The following RBMS2 variants were observed in gnomAD, a reference collection of about 807,000 sequenced individuals.
RBMS2 encodes RNA-binding motif, single-stranded-interacting protein 2.
RBMS2 carries 38 observed loss-of-function variants against 58.4 expected under a neutral mutation model. The observed-to-expected ratio is 0.65, with a 90% CI of 0.50 to 0.85. The LOEUF (loss-of-function observed/expected upper bound fraction) is 0.85, where lower values mean the gene tolerates loss of function less well. Ranked by LOEUF, RBMS2 falls within the 40% of genes least tolerant of loss-of-function variation. The pLI, the probability that RBMS2 is intolerant of heterozygous loss-of-function variation, is 0.00. For synonymous variants in RBMS2, 151 were observed against 180.7 expected (o/e 0.84, Z 1.32); for missense variants, 367 against 503.7 (o/e 0.73, Z 2.60).
chr12:56,575,442 A>T (rs1882969104), intron 5 of RBMS2, among the ~76,000 whole-genome samples: 1 of 151,948 alleles, frequency 6.6e-6, no homozygotes, highest in African/African-American at 2.4e-5. Context: ...GTCTCAATAA[A>T]TAAATCAATA....
intron 1 of RBMS2, among the ~76,000 whole-genome samples, chr12:56,529,167 T>G (rs1463326840): frequency 6.6e-6 from 1 of 151,912 alleles, no homozygotes; most frequent in Non-Finnish European, 1.5e-5. Context: ...TAGTCCAGAG[T>G]GGAAACAACC....
chr12:56,536,834 T>C (rs1334930356), intron 1 of RBMS2, among the ~76,000 whole-genome samples: 1 of 152,056 alleles, frequency 6.6e-6, no homozygotes. Flanking sequence ...CCCAAAGTGC[T>C]GAGTTTACAG....
intron 1 of RBMS2, among the ~76,000 whole-genome samples, chr12:56,524,169 G>A (rs1872235049): frequency 6.6e-6 from 1 of 152,164 alleles, no homozygotes; most frequent in African/African-American, 2.4e-5. Context: ...AAGAGGTATG[G>A]TTGTGGGTTT....
At chr12:56,557,462 T>C (rs975455058) in intron 1 of RBMS2, among the ~76,000 whole-genome samples, 1 of 152,166 alleles carries the variant, frequency 6.6e-6, no homozygotes, top group Non-Finnish European at 1.5e-5. Context: ...AAAGTTGTTT[T>C]ATAGTAAGCA....
chr12:56,538,455 A>G (rs1875371794), intron 1 of RBMS2, among the ~76,000 whole-genome samples: 1 of 134,138 alleles, frequency 7.5e-6, no homozygotes, highest in South Asian at 2.7e-4. Context: ...TGCTTTGAGT[A>G]GTACTGATAT....
chr12:56,580,399 A>AT (rs1395455460), intron 5 of RBMS2: 1 of 300,376 alleles, frequency 3.3e-6, no homozygotes, highest in South Asian at 2.5e-5. Context: ...CTCCCGGCTA[A>AT]TTTTTGTATT....
intron 1 of RBMS2, among the ~76,000 whole-genome samples, chr12:56,536,771 G>A (rs1462670551): frequency 2.0e-5 from 3 of 151,718 alleles, no homozygotes; most frequent in Non-Finnish European, 4.4e-5. Flanking sequence ...GTTTCACCAT[G>A]CTGGCCAGGC....
chr12:56,573,612 A>T (rs1343788962), intron 5 of RBMS2, among the ~76,000 whole-genome samples: 1 of 152,036 alleles, frequency 6.6e-6, no homozygotes, highest in Non-Finnish European at 1.5e-5. Flanking sequence ...GCTTGGGACC[A>T]TCGAACTTAT....
Position 56,593,105 on chromosome 12 carries a change from T to G in RBMS2, c.*3972T>G, listed in dbSNP as rs7299596. The G allele has an allele frequency of 3.3e-5, 5 of 151,766 alleles. No individual in the cohort carries two copies. Among genetic ancestry groups the G allele is most frequent in the African/African-American group, 1.2e-4 (5 of 41,254 alleles). The allele number at this position is 151,766 out of a possible 1,614,324, so 9.4% of individuals were successfully genotyped here. On this transcript the variant is annotated 3_prime_UTR_variant, in exon 14 of 14. Transcript: ENST00000262031. Reference sequence around the variant, plus strand: ...ACAGGTGTGAGCCTCCATGCTTGGATGAGATGTTGTTTTTAATGTTTTTGG... The same window carrying G: ...ACAGGTGTGAGCCTCCATGCTTGGAGGAGATGTTGTTTTTAATGTTTTTGG...
chr12:56,553,467 A>G (rs901945677), intron 1 of RBMS2, among the ~76,000 whole-genome samples: 1 of 151,806 alleles, frequency 6.6e-6, no homozygotes, highest in Non-Finnish European at 1.5e-5. Flanking sequence ...TACTAAGATT[A>G]TAGGCGCACA....
chr12:56,594,647 A>G lies in RBMS2; in HGVS notation c.*5514A>G, dbSNP rs187711195. 6.6e-6 allele frequency: 1 copy of G among 152,318 alleles called. No individual in the cohort carries two copies. The highest frequency in any genetic ancestry group is 1.5e-5 in the Non-Finnish European group (1 of 68,036). The allele number at this position is 152,318 out of a possible 1,614,324, so 9.4% of individuals were successfully genotyped here. A position where few individuals can be genotyped will look rare whatever the true frequency, so the allele number is the denominator to read the frequency against. On this transcript the variant is annotated 3_prime_UTR_variant, in exon 14 of 14. Coordinates refer to ENST00000262031, the MANE Select transcript of RBMS2 (RefSeq NM_002898.4). ...TCCATAGGAGTTGGCAGCTAAAACC[A>G]GACTGTGAGCTTCTGTCTCCGTTCT...
At chr12:56,577,940 G>A (rs940588420) in intron 5 of RBMS2, among the ~76,000 whole-genome samples, 1 of 149,552 alleles carries the variant, frequency 6.7e-6, no homozygotes, top group Admixed American at 6.7e-5. Context: ...CACCTGCCTC[G>A]GCCTCCCAGA....
At position 56,595,485 on chromosome 12, in the gene RBMS2, A is replaced by AAACTT. The variant is rs1188226817; in HGVS notation, c.*6354_*6358dup. On this transcript the variant is annotated 3_prime_UTR_variant, in exon 14 of 14. Coordinates refer to ENST00000262031, the MANE Select transcript of RBMS2 (RefSeq NM_002898.4). The stretch of plus-strand genomic sequence containing the variant: ...CATCTATGCCAATGCCACCATTCTA[A>AAACTT]AACTTACACTCCTTTTCTACCCCTG... 1.3e-5 allele frequency: 2 copies of AAACTT among 152,050 alleles called. No homozygotes were observed. The highest frequency in any genetic ancestry group is 2.9e-5 in the Non-Finnish European group (2 of 67,998). 9.4% of individuals were successfully genotyped at this position (152,050 alleles called of 1,614,324 possible).
At chr12:56,581,962 A>G in intron 8 of RBMS2, 83 bp downstream of exon 8, 2 of 1,582,752 alleles carry the variant, frequency 1.3e-6, no homozygotes, top group South Asian at 2.2e-5. Context: ...GATTCTCTCT[A>G]TTTGAAAGTC....
At chr12:56,541,528 A>G (rs1303258933) in intron 1 of RBMS2, among the ~76,000 whole-genome samples, 1 of 152,176 alleles carries the variant, frequency 6.6e-6, no homozygotes, top group Non-Finnish European at 1.5e-5. Context: ...TCTTACTTCA[A>G]TCCAGTTGAG....
At chr12:56,543,181 C>T (rs1023539499) in intron 1 of RBMS2, among the ~76,000 whole-genome samples, 8 of 146,076 alleles carry the variant, frequency 5.5e-5, no homozygotes, top group Non-Finnish European at 1.2e-4. Context: ...CCCCATACTT[C>T]ATTTCAAACT....
rs1223746073 is a variant in RBMS2, at chr12:56,587,553, G to A, written c.952-1G>A. 1.2e-6 allele frequency: 2 copies of A among 1,612,994 alleles called. No individual in the cohort carries two copies. The highest frequency in any genetic ancestry group is 1.7e-6 in the Non-Finnish European group (2 of 1,179,522). On this transcript the variant is annotated splice_acceptor_variant, in intron 10 of 13. Transcript: ENST00000262031. LOFTEE classifies it high-confidence loss of function. ...ACCCTGTCCTTTGTTGCTGCCTCTA[G>A]GGTTCAGTTCTGACACCAGGGATGG...
At chr12:56,587,200 G>A (rs1884790934) in intron 10 of RBMS2, among the ~76,000 whole-genome samples, 1 of 151,862 alleles carries the variant, frequency 6.6e-6, no homozygotes, top group African/African-American at 2.4e-5. Context: ...TCGGGAGGCA[G>A]AGGTTGCAGT....
At position 56,581,862 on chromosome 12, in the gene RBMS2, C is replaced by G; in HGVS notation, c.762C>G (p.Thr254=). ...TCATGGCCTTGACCTATGACCCCAC[C>G]ACAGCTCTTCAGAATGGGTAAGGTT... ...MGVMALTYDP[T]TALQNGFYPA... Residue 254 remains threonine (T), a synonymous_variant, in exon 8 of 14, where the codon ACC becomes ACG. Coordinates refer to ENST00000262031, the MANE Select transcript of RBMS2 (RefSeq NM_002898.4). The G allele has an allele frequency of 1.2e-6, 2 of 1,614,152 alleles. No homozygotes were observed. Among genetic ancestry groups the G allele is most frequent in the Non-Finnish European group, 1.7e-6 (2 of 1,180,022 alleles).
Sources: allele counts gnomAD v4.1 joint callset (sites outside exome capture counted in the v4.1 genomes callset), GRCh38; gene constraint gnomAD v4.1.1; transcripts MANE v1.5; gene names NCBI Gene and HGNC (gene_info 2026-07-23, HGNC 2026-07-21).